DOP1A: variants seen among roughly 807,000 people sequenced by gnomAD.
DOP1A encodes the protein protein DOP1A.
Under a neutral mutation model 267.6 loss-of-function variants are expected in DOP1A, and 90 were observed. That is an observed-to-expected ratio of 0.34 (90% confidence interval 0.28 to 0.40). DOP1A has a LOEUF of 0.40. DOP1A is among the 10% of genes least tolerant of loss of function. The pLI, the probability that DOP1A is intolerant of heterozygous loss-of-function variation, is 1.00. For missense variants in DOP1A, 2,437 were observed against 2,900.4 expected (o/e 0.84, Z 3.67); for synonymous variants, 932 against 999.1 (o/e 0.93, Z 1.27).
At chr6:83,167,772 A>G (rs2128466937) in intron 38 of DOP1A, 90 bp from the exon 39 acceptor site, 1 of 1,456,470 alleles carries the variant, frequency 6.9e-7, no homozygotes, top group East Asian at 2.5e-5. Context: ...TCATTTCTTG[A>G]CCAATTGCCA....
intron 1 of DOP1A, among the ~76,000 whole-genome samples, chr6:83,080,055 A>G (rs1006893448): frequency 4.6e-5 from 7 of 152,162 alleles, no homozygotes; most frequent in South Asian, 2.1e-4. Flanking sequence ...TGGTCAATCT[A>G]GATAATTTAG....
Position 83,155,932 on chromosome 6 carries a change from C to T in DOP1A, c.6452-19C>T, listed in dbSNP as rs1336004585. On this transcript the variant is annotated intron_variant, in intron 33 of 38. Transcript: ENST00000349129. ...TCTTCAGATGACAGTGTCACAGTCT[C>T]TTTCACTTGCTTTTTCAGCTCGTGT... 2.5e-6 allele frequency: 4 copies of T among 1,603,088 alleles called. No individual in the cohort carries two copies. The highest frequency in any genetic ancestry group is 3.4e-6 in the Non-Finnish European group (4 of 1,176,992).
chr6:83,163,352 A>G (rs481325), intron 38 of DOP1A, among the ~76,000 whole-genome samples: 52,599 of 151,968 alleles, frequency 0.35, 10,571 homozygotes, highest in African/African-American at 0.56. Flanking sequence ...TGAAAAAAAT[A>G]CAGTACAAAA....
At chr6:83,083,463 A>C (rs982738062) in intron 1 of DOP1A, among the ~76,000 whole-genome samples, 25 of 151,494 alleles carry the variant, frequency 1.7e-4, no homozygotes, top group African/African-American at 5.6e-4. Context: ...ATTAAGGGCC[A>C]ATTCCAGGAG....
intron 17 of DOP1A, among the ~76,000 whole-genome samples, chr6:83,131,702 C>G (rs866090539): frequency 1.1e-4 from 16 of 151,838 alleles, no homozygotes; most frequent in Admixed American, 8.5e-4. Context: ...GTCGCGCAAT[C>G]TCTGCTCACT....
rs55825933 is a variant in DOP1A at position 83,117,119 on chromosome 6, TTTTTA to T, written c.781-1724_781-1720del. On this transcript the variant is annotated intron_variant, in intron 7 of 38. Coordinates refer to ENST00000349129, the MANE Select transcript of DOP1A (RefSeq NM_015018.4). ...ATACATCAGAAGTAATTTTAGTACT[TTTTTA>T]TTTTATTTTATTTTATTTTATTTTA... Among the ~76,000 whole-genome samples the T allele has an allele frequency of 5.9e-3, 779 of 131,344 alleles. 3 individuals carry two copies. The highest frequency in any genetic ancestry group is 0.029 in the Middle Eastern group (8 of 278). 86.2% of individuals were successfully genotyped at this position (131,344 alleles called of 152,430 possible). A position where few individuals can be genotyped will look rare whatever the true frequency, so the allele number is the denominator to read the frequency against.
At chr6:83,085,004 A>G (rs1031290141) in intron 1 of DOP1A, among the ~76,000 whole-genome samples, 3 of 152,204 alleles carry the variant, frequency 2.0e-5, no homozygotes, top group Non-Finnish European at 2.9e-5. Context: ...TGTAACTGGA[A>G]TGTACACATT....
chr6:83,125,265 G>A (rs992586150), intron 14 of DOP1A, 70 bp downstream of exon 14: 14 of 1,438,176 alleles, frequency 9.7e-6, no homozygotes, highest in East Asian at 7.1e-5. Context: ...TTTTAGTAAT[G>A]TAGCAGATAA....
chr6:83,136,863 T>G (rs932325108), intron 20 of DOP1A, among the ~76,000 whole-genome samples: 5 of 152,068 alleles, frequency 3.3e-5, no homozygotes, highest in African/African-American at 1.2e-4. Flanking sequence ...TCACTAAGCC[T>G]TCCACCTTTT....
chr6:83,134,859 T>G (rs1384285538), intron 19 of DOP1A, among the ~76,000 whole-genome samples: 5 of 152,118 alleles, frequency 3.3e-5, no homozygotes, highest in Non-Finnish European at 7.4e-5. Flanking sequence ...GTCTCACCAG[T>G]TGGTCTCATA....
chr6:83,092,486 T>G (rs1770602315), intron 1 of DOP1A, among the ~76,000 whole-genome samples: 1 of 151,696 alleles, frequency 6.6e-6, no homozygotes, highest in African/African-American at 2.4e-5. Context: ...TTCTTCAGAG[T>G]ACTTCAAAAT....
Position 83,152,304 on chromosome 6 carries a change from A to G in DOP1A, c.6066A>G (p.Ala2022=), listed in dbSNP as rs1781850725. The part of the protein sequence containing the change: ...ESDVEDMLSP[A]METANITPSV... ...TATTTATAGATATGTTATCACCTGC[A>G]ATGGAAACCGCAAACATAACTCCTT... is the stretch of plus-strand genomic sequence containing the variant. Residue 2022 remains alanine (A), a synonymous_variant, in exon 30 of 39, where the codon GCA becomes GCG. Coordinates refer to ENST00000349129, the MANE Select transcript of DOP1A (RefSeq NM_015018.4). 12 of 1,571,286 alleles carry G rather than the reference A, an allele frequency of 7.6e-6. No homozygotes were observed. Among genetic ancestry groups the G allele is most frequent in the East Asian group, 2.3e-5 (1 of 42,692 alleles).
chr6:83,170,041 T>C (rs1786768221), downstream of DOP1A, among the ~76,000 whole-genome samples: 1 of 152,256 alleles, frequency 6.6e-6, no homozygotes, highest in South Asian at 2.1e-4. Context: ...TTATTAGTTA[T>C]TCCTGCCATG....
chr6:83,095,093 T>C (rs1771221494), intron 1 of DOP1A, among the ~76,000 whole-genome samples: 1 of 152,066 alleles, frequency 6.6e-6, no homozygotes, highest in South Asian at 2.1e-4. Context: ...CCACCACACC[T>C]GGCTGATTTT....
At chr6:83,075,497 G>A (rs1364453308) in intron 1 of DOP1A, among the ~76,000 whole-genome samples, 1 of 152,212 alleles carries the variant, frequency 6.6e-6, no homozygotes, top group Admixed American at 6.5e-5. Flanking sequence ...TAAAATCTGA[G>A]ACCTGAAGGA....
At chr6:83,074,925 G>A (rs1220201404) in intron 1 of DOP1A, among the ~76,000 whole-genome samples, 1 of 152,204 alleles carries the variant, frequency 6.6e-6, no homozygotes, top group Non-Finnish European at 1.5e-5. Flanking sequence ...GGATGAGTTT[G>A]TGTGGATATA....
At chr6:83,169,045 AAC>A, downstream of DOP1A, 1 of 1,374,950 alleles carries the variant, frequency 7.3e-7, no homozygotes, top group South Asian at 1.8e-5. Context: ...AAATTTCTTT[AAC>A]AAGTGTAAGG....
intron 1 of DOP1A, among the ~76,000 whole-genome samples, chr6:83,077,610 A>T (rs1390509885): frequency 6.6e-6 from 1 of 152,186 alleles, no homozygotes; most frequent in East Asian, 1.9e-4. Flanking sequence ...CAGGAGTTAG[A>T]GACGTCAGTG....
At chr6:83,142,285 G>A (rs189449486) in intron 24 of DOP1A, among the ~76,000 whole-genome samples, 18 of 152,104 alleles carry the variant, frequency 1.2e-4, no homozygotes, top group Admixed American at 4.6e-4. Flanking sequence ...CGAGGAGGGC[G>A]GATCATGAGG....
Sources: gnomAD v4.1 joint callset for allele counts (sites outside exome capture counted in the v4.1 genomes callset) on GRCh38, gnomAD v4.1.1 for gene constraint, MANE v1.5 for transcripts, NCBI Gene and HGNC (gene_info 2026-07-23, HGNC 2026-07-21) for gene names.